The following KALRN variants were observed in gnomAD, a reference collection of about 807,000 sequenced individuals.
KALRN encodes the protein kalirin.
KALRN carries 70 observed loss-of-function variants against 353.7 expected under a neutral mutation model. The ratio of observed to expected loss-of-function variants is 0.20; its 90% CI spans 0.16 to 0.24. KALRN has a LOEUF of 0.24. Among genes scored for constraint, KALRN ranks in the 10% least tolerant of loss-of-function variants. The probability of loss-of-function intolerance (pLI) is 1.00; values close to 1 mark genes in which losing one functional copy is unlikely to be tolerated. For missense variants in KALRN, 2,791 were observed against 3,756.7 expected (o/e 0.74, Z 6.72); for synonymous variants, 1,391 against 1,434.8 (o/e 0.97, Z 0.69).
intron 6 of KALRN, among the ~76,000 whole-genome samples, chr3:124,306,782 A>G (rs2077746757): frequency 6.6e-6 from 1 of 152,208 alleles, no homozygotes; most frequent in Non-Finnish European, 1.5e-5. Context: ...AGGGAACCTC[A>G]ATAAGATTAA....
chr3:124,457,544 A>C (rs1577085853), intron 23 of KALRN, among the ~76,000 whole-genome samples: 1 of 151,942 alleles, frequency 6.6e-6, no homozygotes, highest in Non-Finnish European at 1.5e-5. Flanking sequence ...TAATATCAAT[A>C]CTCTTCCTGC....
chr3:124,471,608 G>A (rs2060904615), intron 25 of KALRN, among the ~76,000 whole-genome samples: 1 of 152,084 alleles, frequency 6.6e-6, no homozygotes, highest in Non-Finnish European at 1.5e-5. Context: ...AAGTGTGAAT[G>A]CTGATTCTTT....
At chr3:124,127,971 T>C (rs999831020) in intron 1 of KALRN, among the ~76,000 whole-genome samples, 4 of 152,202 alleles carry the variant, frequency 2.6e-5, no homozygotes, top group African/African-American at 9.6e-5. Flanking sequence ...TATTCCACAG[T>C]TTTAGAGGTG....
chr3:124,413,678 G>A lies in KALRN; in HGVS notation c.2542+13G>A, dbSNP rs760243119. 1.5e-5 allele frequency: 24 copies of A among 1,607,152 alleles called. No individual in the cohort carries two copies. The East Asian group carries it at 2.2e-4, about 15-fold the overall frequency. On this transcript the variant is annotated intron_variant, in intron 14 of 59. Transcript: ENST00000682506. ...GTCCAGGCATCAGGTGGGTGACCTC[G>A]CTCATTCTCCTGGCAGAGGAGATGA...
chr3:124,523,113 A>C (rs1378484206), intron 33 of KALRN, among the ~76,000 whole-genome samples: 1 of 152,260 alleles, frequency 6.6e-6, no homozygotes, highest in African/African-American at 2.4e-5. Context: ...TTTTATAAAT[A>C]AGAAAATTGA....
At chr3:124,437,383 C>T (rs907617330) in intron 17 of KALRN, among the ~76,000 whole-genome samples, 2 of 152,198 alleles carry the variant, frequency 1.3e-5, no homozygotes, top group Non-Finnish European at 2.9e-5. Context: ...TCAATGAATG[C>T]CCTATCCAAA....
chr3:124,114,227 C>A (rs1316287), intron 1 of KALRN, among the ~76,000 whole-genome samples: 83,891 of 152,010 alleles, frequency 0.55, 25,701 homozygotes, highest in Non-Finnish European at 0.69. Context: ...ATCAGAGAGG[C>A]AAGCACCCCT....
At chr3:124,638,618 T>C (rs949207620) in intron 37 of KALRN, among the ~76,000 whole-genome samples, 1 of 152,214 alleles carries the variant, frequency 6.6e-6, no homozygotes, top group Admixed American at 6.5e-5. Context: ...CATCTGAGCA[T>C]GGGCCCTGAA....
At chr3:124,036,188 G>T (rs1025885499) in intron 1 of KALRN, among the ~76,000 whole-genome samples, 14 of 152,098 alleles carry the variant, frequency 9.2e-5, no homozygotes, top group Admixed American at 6.5e-4. Context: ...TACCTGATAG[G>T]TATTTTTTCT....
chr3:124,247,883 GAA>G (rs35683525), intron 3 of KALRN, among the ~76,000 whole-genome samples: 1 of 148,206 alleles, frequency 6.7e-6, no homozygotes, highest in Non-Finnish European at 1.5e-5. Context: ...CACTTGTATT[GAA>G]AAAAAAAAGT....
intron 51 of KALRN, among the ~76,000 whole-genome samples, chr3:124,692,329 C>G (rs919513530): frequency 9.2e-5 from 14 of 152,218 alleles, no homozygotes; most frequent in African/African-American, 3.1e-4. Flanking sequence ...TTCTGCAGCC[C>G]ACTTTTTAGA....
At chr3:124,484,268 TGAAGGTGCA>T (rs2062305582) in intron 28 of KALRN, among the ~76,000 whole-genome samples, 2 of 152,216 alleles carry the variant, frequency 1.3e-5, no homozygotes, top group African/African-American at 4.8e-5. Flanking sequence ...AGCAGTGCAG[TGAAGGTGCA>T]GGAGGCTGTG....
chr3:124,214,132 A>G (rs2150533658), intron 1 of KALRN, among the ~76,000 whole-genome samples: 1 of 152,274 alleles, frequency 6.6e-6, no homozygotes, highest in East Asian at 1.9e-4. Context: ...ACTGCTGTGT[A>G]CATATATATA....
At chr3:124,401,269 C>T (rs1474033894) in intron 13 of KALRN, among the ~76,000 whole-genome samples, 2 of 152,208 alleles carry the variant, frequency 1.3e-5, no homozygotes, top group Admixed American at 1.3e-4. Flanking sequence ...CTTTGGGAGG[C>T]TGAGGCTGGC....
intron 34 of KALRN, among the ~76,000 whole-genome samples, chr3:124,630,064 T>C (rs1420358591): frequency 6.6e-6 from 1 of 152,194 alleles, no homozygotes; most frequent in African/African-American, 2.4e-5. Context: ...TAGGAAGACA[T>C]CTGAAGTGGA....
chr3:124,703,866 C>T (rs1217964959), intron 57 of KALRN, among the ~76,000 whole-genome samples: 1 of 143,468 alleles, frequency 7.0e-6, no homozygotes, highest in Non-Finnish European at 1.5e-5. Context: ...ATGGAGTTCT[C>T]ACTATGTTGC....
rs759586342 is a variant in KALRN at position 124,562,956 on chromosome 3, G to A, written c.5049G>A (p.Glu1683=). Residue 1683 remains glutamate, a synonymous_variant, in exon 34 of 60, where the codon GAG becomes GAA. Coordinates refer to ENST00000682506, the MANE Select transcript of KALRN (RefSeq NM_001388419.1). ...QTVELLERPS[E]RPGWCLVRTT... is the part of the protein sequence containing the mutation. ...TAGAGCTGCTGGAGCGGCCCAGCGA[G>A]CGGCCTGGTTGGTGTCTGGTCCGTA... The A allele has an allele frequency of 7.3e-7, 1 of 1,367,936 alleles. No individual in the cohort carries two copies. Among genetic ancestry groups the A allele is most frequent in the Non-Finnish European group, 9.8e-7 (1 of 1,022,024 alleles). 84.7% of individuals were successfully genotyped at this position (1,367,936 alleles called of 1,614,324 possible). A position where few individuals can be genotyped will look rare whatever the true frequency, so the allele number is the denominator to read the frequency against.
At chr3:124,529,183 G>A (rs1286446800) in intron 33 of KALRN, among the ~76,000 whole-genome samples, 2 of 152,146 alleles carry the variant, frequency 1.3e-5, no homozygotes, top group Non-Finnish European at 2.9e-5. Flanking sequence ...TATATCCCCA[G>A]TACCTATGCT....
At chr3:124,476,029 T>A (rs2061398474) in intron 26 of KALRN, among the ~76,000 whole-genome samples, 1 of 152,018 alleles carries the variant, frequency 6.6e-6, no homozygotes, top group Admixed American at 6.6e-5. Flanking sequence ...TTACAATCAG[T>A]CATAAGAATG....
Sources: allele counts gnomAD v4.1 joint callset (sites outside exome capture counted in the v4.1 genomes callset), GRCh38; gene constraint gnomAD v4.1.1; transcripts MANE v1.5; gene names NCBI Gene and HGNC (gene_info 2026-07-23, HGNC 2026-07-21).